The following NKAIN2 variants were observed in gnomAD, a reference collection of about 807,000 sequenced individuals.
The protein encoded by NKAIN2 is sodium/potassium-transporting ATPase subunit beta-1-interacting protein 2.
In NKAIN2, 14 loss-of-function variants were observed where a neutral mutation model predicts 32.6. The observed-to-expected ratio is 0.43, with a 90% CI of 0.28 to 0.67. NKAIN2 has a LOEUF of 0.67. Among genes scored for constraint, NKAIN2 ranks in the 30% least tolerant of loss-of-function variants. The pLI is 0.17. For synonymous variants in NKAIN2, 80 were observed against 87.2 expected, an observed-to-expected ratio of 0.92 and a Z score of 0.46; for missense variants, 198 against 258.3, an observed-to-expected ratio of 0.77 and a Z score of 1.60.
At chr6:124,250,703 A>G (rs7746029) in intron 1 of NKAIN2, among the ~76,000 whole-genome samples, 2,796 of 152,220 alleles carry the variant, frequency 0.018, 78 homozygotes, top group African/African-American at 0.065. Context: ...AGTGCTTCAC[A>G]TAAAAGGAAT....
At chr6:124,597,692 G>C (rs1231183512) in intron 3 of NKAIN2, among the ~76,000 whole-genome samples, 5 of 152,086 alleles carry the variant, frequency 3.3e-5, no homozygotes, top group African/African-American at 9.7e-5. Context: ...AGAATTCCAA[G>C]GGACCTGATA....
At chr6:124,686,465 G>A (rs1773884374) in intron 4 of NKAIN2, among the ~76,000 whole-genome samples, 1 of 152,010 alleles carries the variant, frequency 6.6e-6, no homozygotes, top group Non-Finnish European at 1.5e-5. Context: ...GGAAAGGGGA[G>A]GGGTGCTACA....
chr6:124,639,828 A>C (rs936542978), intron 3 of NKAIN2, among the ~76,000 whole-genome samples: 1 of 152,102 alleles, frequency 6.6e-6, no homozygotes, highest in Non-Finnish European at 1.5e-5. Context: ...GACACTGAGA[A>C]GAGTCGGGAG....
At chr6:124,699,653 A>G (rs1774674784) in intron 4 of NKAIN2, among the ~76,000 whole-genome samples, 1 of 152,174 alleles carries the variant, frequency 6.6e-6, no homozygotes, top group African/African-American at 2.4e-5. Flanking sequence ...GCCATGTAAG[A>G]CATGCCTGCT....
rs1007947818 is a variant in NKAIN2, at chr6:124,196,891, G to C, written c.55-86114G>C. On this transcript the variant is annotated intron_variant, in intron 1 of 6. Coordinates refer to ENST00000368417, the MANE Select transcript of NKAIN2 (RefSeq NM_001040214.3). ...AAATTTGTGGATTTTCCCTAATAAA[G>C]ATTAATAAGGAAGAACCTCATTGTC... 4.0e-5 allele frequency among the ~76,000 whole-genome samples: 6 copies of C among 151,746 alleles called. No individual in the cohort carries two copies. In the East Asian group the frequency reaches 7.7e-4, roughly 19 times the overall value.
At chr6:123,838,786 G>C (rs1233454185) in intron 1 of NKAIN2, among the ~76,000 whole-genome samples, 1 of 152,102 alleles carries the variant, frequency 6.6e-6, no homozygotes, top group East Asian at 1.9e-4. Context: ...CCATTTAAAC[G>C]TGCATTTGAA....
intron 3 of NKAIN2, among the ~76,000 whole-genome samples, chr6:124,461,294 C>CGTGT (rs372456880): frequency 6.6e-6 from 1 of 150,818 alleles, no homozygotes. Flanking sequence ...TAATTGTGAC[C>CGTGT]GTGTGTGTGT....
rs529805711 is a variant in NKAIN2 at position 124,083,955 on chromosome 6, A to G, written c.55-199050A>G. 3.9e-5 allele frequency among the ~76,000 whole-genome samples: 6 copies of G among 152,136 alleles called. No individual in the cohort carries two copies. In the South Asian group the frequency reaches 1.2e-3, roughly 31 times the overall value. On this transcript the variant is annotated intron_variant, in intron 1 of 6. Coordinates refer to ENST00000368417, the MANE Select transcript of NKAIN2 (RefSeq NM_001040214.3). ...ACAGATTAAAAATGACTCACAATAT[A>G]TAACAAGGGTTTTGATCTTGATTGT...
At chr6:124,710,794 T>C (rs1775405042) in intron 4 of NKAIN2, among the ~76,000 whole-genome samples, 1 of 148,172 alleles carries the variant, frequency 6.7e-6, no homozygotes, top group South Asian at 2.2e-4. Flanking sequence ...AATTTGCCAG[T>C]CTGTGTCTTT....
intron 1 of NKAIN2, among the ~76,000 whole-genome samples, chr6:124,257,384 T>G (rs1674700113): frequency 1.3e-5 from 2 of 152,206 alleles, no homozygotes; most frequent in Admixed American, 1.3e-4. Context: ...CCTACAGCTC[T>G]TAGGAGCTCA....
chr6:124,732,435 A>C (rs2114667818), intron 4 of NKAIN2, among the ~76,000 whole-genome samples: 2 of 152,194 alleles, frequency 1.3e-5, no homozygotes, highest in Middle Eastern at 6.8e-3. Context: ...GATGGCATGA[A>C]ACATGCAATG....
chr6:124,131,450 G>A (rs1235766269), intron 1 of NKAIN2, among the ~76,000 whole-genome samples: 4 of 152,114 alleles, frequency 2.6e-5, no homozygotes, highest in Non-Finnish European at 2.9e-5. Flanking sequence ...ACTTTGTTCC[G>A]AGAACCACCA....
intron 2 of NKAIN2, among the ~76,000 whole-genome samples, chr6:124,341,083 GT>G (rs1285491452): frequency 1.3e-5 from 2 of 152,094 alleles, no homozygotes; most frequent in Non-Finnish European, 2.9e-5. Flanking sequence ...TTGATAGTCT[GT>G]CTTAAGAATA....
intron 1 of NKAIN2, among the ~76,000 whole-genome samples, chr6:124,126,357 A>G (rs944151711): frequency 6.6e-6 from 1 of 151,974 alleles, no homozygotes; most frequent in Non-Finnish European, 1.5e-5. Flanking sequence ...TTTTTTCTTG[A>G]CTATTCAAAT....
intron 2 of NKAIN2, among the ~76,000 whole-genome samples, chr6:124,351,394 A>G (rs1798719841): frequency 1.3e-5 from 2 of 151,692 alleles, no homozygotes; most frequent in African/African-American, 4.8e-5. Context: ...AGTTCCAGCT[A>G]CCCAAGAGGC....
Position 124,382,304 on chromosome 6 carries a change from A to G in NKAIN2, c.273+26957A>G. ...GGAGAAAGGAGAAATTGATTTATGA[A>G]CAATCTATATTTTATTCATTTTCCA... On this transcript the variant is annotated intron_variant, in intron 3 of 6. Transcript: ENST00000368417. Among the ~76,000 whole-genome samples the G allele has an allele frequency of 1.3e-5, 2 of 152,136 alleles. 1 individual carries two copies.
intron 3 of NKAIN2, among the ~76,000 whole-genome samples, chr6:124,429,125 C>A (rs1056804172): frequency 6.6e-6 from 1 of 152,034 alleles, no homozygotes; most frequent in African/African-American, 2.4e-5. Context: ...GCAACCTCTG[C>A]CTGTTGGGTT....
chr6:124,010,988 C>G (rs1198283937), intron 1 of NKAIN2, among the ~76,000 whole-genome samples: 2 of 152,136 alleles, frequency 1.3e-5, no homozygotes, highest in Non-Finnish European at 2.9e-5. Context: ...GCGGTAGTCT[C>G]TAATCACTAT....
intron 1 of NKAIN2, among the ~76,000 whole-genome samples, chr6:124,228,919 T>C (rs947383000): frequency 2.6e-5 from 4 of 152,204 alleles, no homozygotes; most frequent in African/African-American, 9.6e-5. Context: ...CATTCTATCA[T>C]GGCCATCTTT....
Sources: allele counts gnomAD v4.1 joint callset (sites outside exome capture counted in the v4.1 genomes callset), GRCh38; gene constraint gnomAD v4.1.1; transcripts MANE v1.5; gene names NCBI Gene and HGNC (gene_info 2026-07-23, HGNC 2026-07-21).